Variants in TRPS1 observed in about 807,000 individuals in gnomAD.
The protein encoded by TRPS1 is zinc finger transcription factor Trps1.
In TRPS1, 6 loss-of-function variants were observed where a neutral mutation model predicts 101.2. The observed-to-expected ratio is 0.06, with a 90% CI of 0.03 to 0.12. The LOEUF is 0.12. Among genes scored for constraint, TRPS1 ranks in the 10% least tolerant of loss-of-function variants. The pLI, the probability that TRPS1 is intolerant of heterozygous loss-of-function variation, is 1.00. For missense variants in TRPS1, 1,363 were observed against 1,567.0 expected (o/e 0.87, Z 2.20); for synonymous variants, 578 against 589.8 (o/e 0.98, Z 0.29).
chr8:115,663,908 A>T (rs957180634), intron 1 of TRPS1, among the ~76,000 whole-genome samples: 8 of 151,986 alleles, frequency 5.3e-5, no homozygotes, highest in African/African-American at 1.9e-4. Flanking sequence ...TTTCTAACCA[A>T]AGTCAAGTTC....
At chr8:115,484,325 AT>A (rs1480492072) in intron 5 of TRPS1, among the ~76,000 whole-genome samples, 1 of 152,186 alleles carries the variant, frequency 6.6e-6, no homozygotes, top group African/African-American at 2.4e-5. Context: ...TATATATTCA[AT>A]TTCAGAATCT....
chr8:115,667,926 A>T, intron 1 of TRPS1: 1 of 1,535,374 alleles, frequency 6.5e-7, no homozygotes, highest in Non-Finnish European at 8.7e-7. Context: ...AGCCCCCAGA[A>T]AACTTGCAGT....
chr8:115,505,386 C>A (rs3808423), intron 5 of TRPS1, among the ~76,000 whole-genome samples: 4 of 151,824 alleles, frequency 2.6e-5, no homozygotes, highest in East Asian at 1.9e-4. Context: ...TTTTAATATA[C>A]AAGAATTCTT....
At chr8:115,489,834 C>T (rs537350307) in intron 5 of TRPS1, among the ~76,000 whole-genome samples, 1 of 151,902 alleles carries the variant, frequency 6.6e-6, no homozygotes, top group Non-Finnish European at 1.5e-5. Flanking sequence ...AATATCTTAC[C>T]ATTTTTAAAC....
rs886314913 is a variant in TRPS1 at position 115,623,692 on chromosome 8, G to A, written c.-55C>T. 4 of 1,597,364 alleles carry A rather than the reference G, an allele frequency of 2.5e-6. No individual in the cohort carries two copies. Among genetic ancestry groups the A allele is most frequent in the African/African-American group, 1.3e-5 (1 of 74,606 alleles). On this transcript the variant is annotated 5_prime_UTR_variant, in exon 2 of 7. Coordinates refer to ENST00000395715, the MANE Select transcript of TRPS1 (RefSeq NM_014112.5). ...AATTCTATTAGTCAACTAGCAGGAGGCTAATGCAATTGTCTTAGAAGACGC... is the reference window on the plus strand; with the variant it reads ...AATTCTATTAGTCAACTAGCAGGAGACTAATGCAATTGTCTTAGAAGACGC...
intron 5 of TRPS1, among the ~76,000 whole-genome samples, chr8:115,507,307 G>A (rs1815470801): frequency 6.6e-6 from 1 of 151,996 alleles, no homozygotes; most frequent in Admixed American, 6.6e-5. Context: ...AAATATATAA[G>A]GGGTTTTCAA....
chr8:115,618,595 C>T (rs565387849), intron 3 of TRPS1, among the ~76,000 whole-genome samples: 92 of 152,326 alleles, frequency 6.0e-4, no homozygotes, highest in African/African-American at 2.1e-3. Context: ...TTCTAATCAA[C>T]ATAAAATGTT....
chr8:115,562,222 C>T (rs144328170), intron 5 of TRPS1, among the ~76,000 whole-genome samples: 1,662 of 152,000 alleles, frequency 0.011, 35 homozygotes, highest in South Asian at 0.045. Flanking sequence ...TTCTGTAGAG[C>T]CATTTAAACG....
intron 1 of TRPS1, among the ~76,000 whole-genome samples, chr8:115,646,316 A>C (rs1205968961): frequency 6.6e-6 from 1 of 152,156 alleles, no homozygotes; most frequent in African/African-American, 2.4e-5. Flanking sequence ...TTATTCCAAC[A>C]GAGCCACTTC....
intron 5 of TRPS1, among the ~76,000 whole-genome samples, chr8:115,423,167 A>T (rs1449415172): frequency 6.6e-6 from 1 of 152,224 alleles, no homozygotes; most frequent in African/African-American, 2.4e-5. Flanking sequence ...TCAACTAAAA[A>T]TTGCTACAGA....
chr8:115,624,038 A>T (rs1178734611), intron 1 of TRPS1, among the ~76,000 whole-genome samples: 2 of 152,050 alleles, frequency 1.3e-5, no homozygotes, highest in African/African-American at 2.4e-5. Flanking sequence ...TTCAACCCTA[A>T]TGACCATAAT....
intron 5 of TRPS1, among the ~76,000 whole-genome samples, chr8:115,543,947 C>A (rs1353600111): frequency 6.6e-6 from 1 of 151,922 alleles, no homozygotes; most frequent in East Asian, 1.9e-4. Context: ...CATAAAAATG[C>A]AAATATCCTA....
chr8:115,499,919 C>A (rs906910599), intron 5 of TRPS1, among the ~76,000 whole-genome samples: 22 of 74,930 alleles, frequency 2.9e-4, no homozygotes, highest in African/African-American at 1.1e-3. Context: ...TGCTAAATTT[C>A]TTTCTTTCTT....
chr8:115,615,557 G>A (rs1210123124), intron 3 of TRPS1, among the ~76,000 whole-genome samples: 1 of 152,106 alleles, frequency 6.6e-6, no homozygotes, highest in African/African-American at 2.4e-5. Flanking sequence ...TCAGGAGTTC[G>A]AGACCAGCCT....
Position 115,414,724 on chromosome 8 carries a change from G to C in TRPS1, c.3184C>G (p.Pro1062Ala), listed in dbSNP as rs373739930. 17 of 1,613,892 alleles carry C rather than the reference G, an allele frequency of 1.1e-5. No homozygotes were observed. The African/African-American group carries it at 1.9e-4, about 18-fold the overall frequency. Residue 1062 changes from proline to alanine, a missense_variant, in exon 7 of 7, where the codon CCA becomes GCA. Physicochemically the swap from Pro to Ala is conservative, Grantham distance 27 (BLOSUM62 -1). Coordinates refer to ENST00000395715, the MANE Select transcript of TRPS1 (RefSeq NM_014112.5). The surrounding 1 kb of genome is among the most constrained non-coding windows in gnomAD (Gnocchi z 4.8). ...TCAGATACGGATGAACTATTTCCTG[G>C]ATCTCCAGTACTTTCCTGAGGACTT... ...IKSPQESTGD[P>A]GNSSSVSEGK...
chr8:115,559,217 TATTATC>T (rs1287902574), intron 5 of TRPS1, among the ~76,000 whole-genome samples: 1 of 152,142 alleles, frequency 6.6e-6, no homozygotes, highest in Non-Finnish European at 1.5e-5. Flanking sequence ...ATGCCATATT[TATTATC>T]ATCCATGGCT....
At chr8:115,450,333 G>A (rs1197641466) in intron 5 of TRPS1, among the ~76,000 whole-genome samples, 1 of 152,122 alleles carries the variant, frequency 6.6e-6, no homozygotes, top group East Asian at 1.9e-4. Flanking sequence ...GTGTCCGCAG[G>A]AGCTGCTCTG....
intron 5 of TRPS1, among the ~76,000 whole-genome samples, chr8:115,440,919 A>G (rs1032920436): frequency 6.6e-6 from 1 of 152,200 alleles, no homozygotes; most frequent in African/African-American, 2.4e-5. Flanking sequence ...ACTATTATTT[A>G]ATCAAATACA....
At chr8:115,454,379 T>C (rs1277900421) in intron 5 of TRPS1, among the ~76,000 whole-genome samples, 1 of 152,250 alleles carries the variant, frequency 6.6e-6, no homozygotes, top group African/African-American at 2.4e-5. Context: ...TTCAAGTTTT[T>C]TGGCTTTTAA....
Sources: gnomAD v4.1 joint callset for allele counts (sites outside exome capture counted in the v4.1 genomes callset) on GRCh38, gnomAD v4.1.1 for gene constraint, Gnocchi (gnomAD v3.1) non-coding constraint, MANE v1.5 for transcripts, NCBI Gene and HGNC (gene_info 2026-07-23, HGNC 2026-07-21) for gene names.